Variants in EFCC1 observed in about 807,000 individuals in gnomAD.
EFCC1 encodes the protein EF-hand and coiled-coil domain containing 1.
A neutral mutation model predicts 52.1 loss-of-function variants in EFCC1; 50 were observed. The observed-to-expected ratio is 0.96, with a 90% CI of 0.76 to 1.21. The LOEUF is 1.21. Among genes scored for constraint, EFCC1 ranks in the 50% most tolerant of loss-of-function variants. The pLI is 0.00. For synonymous variants in EFCC1, 399 were observed against 396.5 expected (o/e 1.01, Z -0.08); for missense variants, 837 against 867.3 (o/e 0.97, Z 0.44).
chr3:129,014,631 A>G lies in EFCC1; in HGVS notation c.980+10554A>G, dbSNP rs545187068. ...GAGCTCTGGGGGTCTGGACATCAAC[A>G]TATGAATTGGGGAGACACAACCAGC... On this transcript the variant is annotated intron_variant, in intron 2 of 7. Transcript: ENST00000683648. This position sits in a 1 kb window ranked among gnomAD's most constrained non-coding sequence, Gnocchi z 4.3. 4.7e-4 allele frequency among the ~76,000 whole-genome samples: 72 copies of G among 152,318 alleles called. No homozygotes were observed. The highest frequency in any genetic ancestry group is 1.7e-3 in the African/African-American group (70 of 41,560).
At chr3:129,034,440 C>T (rs1946330898) in intron 5 of EFCC1, 111 bp downstream of exon 5, 3 of 1,256,906 alleles carry the variant, frequency 2.4e-6, no homozygotes, top group Non-Finnish European at 3.3e-6. Context: ...ATGAGTAAAC[C>T]AAGGCCCAGA....
rs1945259290 is a variant in EFCC1 at position 129,010,256 on chromosome 3, TC to T, written c.980+6180del. On this transcript the variant is annotated intron_variant, in intron 2 of 7. Transcript: ENST00000683648. This position sits in a 1 kb window ranked among gnomAD's most constrained non-coding sequence, Gnocchi z 4.3. ...TCGTCCTTTTGAAACCGCCCATATC[TC>T]AACCAGTTGCCTGGCCTGGCCCCCT... is the stretch of plus-strand genomic sequence containing the variant. Among the ~76,000 whole-genome samples, 2 of 152,216 alleles carry T rather than the reference TC, an allele frequency of 1.3e-5. No homozygotes were observed. Among genetic ancestry groups the T allele is most frequent in the African/African-American group, 2.4e-5 (1 of 41,454 alleles).
chr3:129,020,813 G>C (rs1945807519), intron 2 of EFCC1, among the ~76,000 whole-genome samples: 1 of 152,162 alleles, frequency 6.6e-6, no homozygotes, highest in Non-Finnish European at 1.5e-5. Context: ...GTTACAGGCT[G>C]GCTGGGCACT....
At chr3:129,009,097 T>G (rs1023645168) in intron 2 of EFCC1, among the ~76,000 whole-genome samples, 52 of 152,160 alleles carry the variant, frequency 3.4e-4, no homozygotes, top group African/African-American at 1.2e-3. Flanking sequence ...TGTCATTCAA[T>G]CCCTGCCCAA....
intron 4 of EFCC1, among the ~76,000 whole-genome samples, chr3:129,033,667 A>C (rs1946317011): frequency 6.6e-6 from 1 of 152,252 alleles, no homozygotes; most frequent in Non-Finnish European, 1.5e-5. Context: ...CATGCCAGGC[A>C]AAATCTGAGG....
chr3:129,012,245 C>G (rs781527931), intron 2 of EFCC1, among the ~76,000 whole-genome samples: 22 of 152,216 alleles, frequency 1.4e-4, no homozygotes, highest in Non-Finnish European at 2.8e-4. Context: ...TAGTACCTAC[C>G]GCACAGGGTA....
At chr3:129,013,120 T>A (rs1017176810) in intron 2 of EFCC1, among the ~76,000 whole-genome samples, 2 of 151,798 alleles carry the variant, frequency 1.3e-5, no homozygotes, top group African/African-American at 4.8e-5. Context: ...AAGTCAGGGG[T>A]AGTATACATG....
rs967129034 is a variant in EFCC1 at position 129,007,078 on chromosome 3, C to T, written c.980+3001C>T. On this transcript the variant is annotated intron_variant, in intron 2 of 7. Coordinates refer to ENST00000683648, the MANE Select transcript of EFCC1 (RefSeq NM_001377500.1). ...GCAGCTGTCCAGTGTGGCACAGCGA[C>T]TTAGTGGCAAGGGCAGGACTCACAG... Among the ~76,000 whole-genome samples the T allele has an allele frequency of 8.5e-5, 13 of 152,220 alleles. 1 individual carries two copies. Among genetic ancestry groups the T allele is most frequent in the Non-Finnish European group, 2.9e-5 (2 of 68,040 alleles).
chr3:129,033,019 C>A lies in EFCC1; in HGVS notation c.1286+53C>A, dbSNP rs374412133. 64 of 1,443,156 alleles carry A rather than the reference C, an allele frequency of 4.4e-5. 2 individuals carry two copies. The East Asian group carries it at 4.7e-4, about 11-fold the overall frequency. 89.4% of individuals were successfully genotyped at this position (1,443,156 alleles called of 1,614,324 possible). A position where few individuals can be genotyped will look rare whatever the true frequency, so the allele number is the denominator to read the frequency against. On this transcript the variant is annotated intron_variant, in intron 4 of 7. Transcript: ENST00000683648. The stretch of plus-strand genomic sequence containing the variant: ...TGTGGGCCGCAGGCTCCAGAGGTGT[C>A]TGGGGAAGCCAGGAGCACCTGGGAG...
chr3:129,024,176 C>T, intron 2 of EFCC1, among the ~76,000 whole-genome samples: 1 of 152,182 alleles, frequency 6.6e-6, no homozygotes, highest in Non-Finnish European at 1.5e-5. Flanking sequence ...GGAGAGGTGT[C>T]TTATTCATAT....
intron 2 of EFCC1, among the ~76,000 whole-genome samples, chr3:129,009,331 C>A (rs543104612): frequency 4.6e-5 from 7 of 152,184 alleles, no homozygotes; most frequent in African/African-American, 1.4e-4. Context: ...CAGGTACTCA[C>A]GTAGTGTTAC....
intron 2 of EFCC1, among the ~76,000 whole-genome samples, chr3:129,019,189 G>C (rs577973793): frequency 3.7e-4 from 56 of 152,338 alleles, no homozygotes; most frequent in African/African-American, 1.3e-3. Flanking sequence ...TTTTGCCTTT[G>C]AATTCTTGAG....
Position 129,001,774 on chromosome 3 carries a change from T to C in EFCC1, c.146T>C (p.Val49Ala). 1 of 1,543,160 alleles carries C rather than the reference T, an allele frequency of 6.5e-7. No individual in the cohort carries two copies. The change falls in exon 1 of 8, where the codon GTG (valine) becomes GCG (alanine). Residue 49 changes from valine (V) to alanine (A), a missense_variant. Val to Ala is a moderately conservative substitution (Grantham distance 64). Transcript: ENST00000683648. Reference protein sequence around the residue: ...GLDRGVENEIVVLATGLDQYL... With the variant: ...GLDRGVENEIAVLATGLDQYL... ...GACCGCGGCGTGGAGAACGAGATCG[T>C]GGTGCTGGCCACCGGCCTGGACCAG...
intron 5 of EFCC1, among the ~76,000 whole-genome samples, chr3:129,035,072 G>A (rs1472970085): frequency 6.6e-6 from 1 of 152,218 alleles, no homozygotes; most frequent in African/African-American, 2.4e-5. Flanking sequence ...GTGCAATGCT[G>A]TTGAAAGTTG....
chr3:129,002,175 C>T lies in EFCC1; in HGVS notation c.547C>T (p.Arg183Cys), dbSNP rs753569809. 30 of 1,479,672 alleles carry T rather than the reference C, an allele frequency of 2.0e-5. No homozygotes were observed. The East Asian group carries it at 5.2e-4, about 26-fold the overall frequency. 91.7% of individuals were successfully genotyped at this position (1,479,672 alleles called of 1,614,324 possible). ...QIRLRRPRRR[R>C]RPPCAPGPDS... ...CCGCCTGCGCCGTCCGCGCCGCCGCCGCCGCCCGCCCTGCGCGCCTGGCCC... is the reference window on the plus strand; with the variant it reads ...CCGCCTGCGCCGTCCGCGCCGCCGCTGCCGCCCGCCCTGCGCGCCTGGCCC... The change falls in exon 1 of 8, where the codon CGC (arginine) becomes TGC (cysteine). Residue 183 changes from arginine to cysteine, a missense_variant. Physicochemically the swap from Arg to Cys is radical, Grantham distance 180 (BLOSUM62 -3). Coordinates refer to ENST00000683648, the MANE Select transcript of EFCC1 (RefSeq NM_001377500.1).
Position 129,004,027 on chromosome 3 carries a change from C to G in EFCC1, c.930C>G (p.Pro310=), listed in dbSNP as rs534655542. 3 of 1,510,142 alleles carry G rather than the reference C, an allele frequency of 2.0e-6. No homozygotes were observed. Among genetic ancestry groups the G allele is most frequent in the Admixed American group, 2.1e-5 (1 of 48,624 alleles). 93.5% of individuals were successfully genotyped at this position (1,510,142 alleles called of 1,614,324 possible). A position where few individuals can be genotyped will look rare whatever the true frequency, so the allele number is the denominator to read the frequency against. Residue 310 remains proline (P), a synonymous_variant, in exon 2 of 8, where the codon CCC becomes CCG. Coordinates refer to ENST00000683648, the MANE Select transcript of EFCC1 (RefSeq NM_001377500.1). Reference sequence around the variant, plus strand: ...TGGAGGCGCTGGCGCAACAGGTGCCCGGCTTGCAGCGCTGGGTGCGGCGGC... The same window carrying G: ...TGGAGGCGCTGGCGCAACAGGTGCCGGGCTTGCAGCGCTGGGTGCGGCGGC... ...RELEALAQQV[P]GLQRWVRRLE... is the part of the protein sequence containing the mutation.
chr3:129,012,721 G>A (rs1323438629), intron 2 of EFCC1, among the ~76,000 whole-genome samples: 4 of 152,200 alleles, frequency 2.6e-5, no homozygotes, highest in African/African-American at 7.2e-5. Context: ...CTCCCAAAAC[G>A]AAGGTTGGTG....
At chr3:129,027,730 C>T (rs1576773801) in intron 2 of EFCC1, among the ~76,000 whole-genome samples, 1 of 152,018 alleles carries the variant, frequency 6.6e-6, no homozygotes, top group Admixed American at 6.5e-5. Context: ...CCGAGGCGGG[C>T]GGATCACCTC....
At chr3:129,031,179 C>T (rs894210405) in intron 3 of EFCC1, among the ~76,000 whole-genome samples, 2 of 152,202 alleles carry the variant, frequency 1.3e-5, no homozygotes, top group Non-Finnish European at 1.5e-5. Context: ...CCTGTGATCC[C>T]AGCACTTTGA....
Sources: allele counts gnomAD v4.1 joint callset (sites outside exome capture counted in the v4.1 genomes callset), GRCh38; gene constraint gnomAD v4.1.1; non-coding constraint Gnocchi (gnomAD v3.1); transcripts MANE v1.5; gene names NCBI Gene and HGNC (gene_info 2026-07-23, HGNC 2026-07-21).